KLF15: variants seen among roughly 807,000 people sequenced by gnomAD.
KLF15 encodes the protein KLF transcription factor 15.
Under a neutral mutation model 24.6 loss-of-function variants are expected in KLF15, and 4 were observed. The ratio of observed to expected loss-of-function variants is 0.16; its 90% CI spans 0.08 to 0.37. The LOEUF (loss-of-function observed/expected upper bound fraction) is 0.37, where lower values mean the gene tolerates loss of function less well. Among genes scored for constraint, KLF15 ranks in the 10% least tolerant of loss-of-function variants. The probability of loss-of-function intolerance (pLI) is 1.00; values close to 1 mark genes in which losing one functional copy is unlikely to be tolerated. For synonymous variants in KLF15, 246 were observed against 236.3 expected (o/e 1.04, Z -0.37); for missense variants, 496 against 560.6 (o/e 0.88, Z 1.16).
the KLF15 span, among the ~76,000 whole-genome samples, chr3:126,295,475 G>A: frequency 6.6e-6 from 1 of 152,146 alleles, no homozygotes; most frequent in African/African-American, 2.4e-5. Context: ...TTGGTCAAAA[G>A]GCCCAAACCA....
Position 126,343,859 on chromosome 3 carries a change from G to T in KLF15, c.1119C>A (p.Arg373=). 6.2e-7 allele frequency: 1 copy of T among 1,603,712 alleles called. No individual in the cohort carries two copies. Among genetic ancestry groups the T allele is most frequent in the Non-Finnish European group, 8.5e-7 (1 of 1,176,592 alleles). Residue 373 remains arginine, a synonymous_variant, in exon 3 of 3, where the codon CGC becomes CGA. Transcript: ENST00000296233. The part of the protein sequence containing the change: ...SRSDELSRHR[R]SHSGVKPYQC... The stretch of plus-strand genomic sequence containing the variant: ...GGTACGGCTTCACACCTGAGTGCGA[G>T]CGCCTGTGCCGCGACAGCTCGTCAG...
chr3:126,307,469 G>A, the KLF15 span, among the ~76,000 whole-genome samples: 4 of 152,188 alleles, frequency 2.6e-5, no homozygotes, highest in Admixed American at 6.5e-5. Flanking sequence ...AGAAATGAGC[G>A]GGATGGTGGC....
At chr3:126,305,846 GGAA>G in the KLF15 span, among the ~76,000 whole-genome samples, 1 of 152,252 alleles carries the variant, frequency 6.6e-6, no homozygotes, top group Admixed American at 6.5e-5. Context: ...GAAAGAAGAA[GGAA>G]GAAGAGAGAA....
chr3:126,321,726 G>A, the KLF15 span, among the ~76,000 whole-genome samples: 4 of 152,088 alleles, frequency 2.6e-5, no homozygotes, highest in Admixed American at 1.3e-4. Flanking sequence ...TCTTTGACTC[G>A]ACATCCTATT....
chr3:126,334,298 T>G, the KLF15 span, among the ~76,000 whole-genome samples: 1 of 148,656 alleles, frequency 6.7e-6, no homozygotes, highest in Non-Finnish European at 1.5e-5. Flanking sequence ...ACATGGAAAC[T>G]GAACAACCTG....
At chr3:126,336,511 A>G in the KLF15 span, among the ~76,000 whole-genome samples, 102 of 62,996 alleles carry the variant, frequency 1.6e-3, no homozygotes, top group African/African-American at 2.9e-3. Flanking sequence ...GAACATAGGC[A>G]TGGGCAAGGA....
chr3:126,353,466 T>C (rs925952210), intron 1 of KLF15, among the ~76,000 whole-genome samples: 1 of 152,162 alleles, frequency 6.6e-6, no homozygotes, highest in Non-Finnish European at 1.5e-5. Context: ...ATTACGCAAA[T>C]AAAAATACAA....
the KLF15 span, among the ~76,000 whole-genome samples, chr3:126,306,699 C>T: frequency 1.3e-5 from 2 of 152,246 alleles, no homozygotes; most frequent in Admixed American, 1.3e-4. Context: ...TCATATGAAG[C>T]CCTGTGTGCT....
chr3:126,332,064 C>T, the KLF15 span, among the ~76,000 whole-genome samples: 1 of 152,184 alleles, frequency 6.6e-6, no homozygotes, highest in African/African-American at 2.4e-5. Flanking sequence ...TGGGTGGAGC[C>T]CACCACAGCT....
the KLF15 span, among the ~76,000 whole-genome samples, chr3:126,317,347 T>C: frequency 6.6e-6 from 1 of 152,140 alleles, no homozygotes; most frequent in Non-Finnish European, 1.5e-5. Flanking sequence ...TGTTACACTG[T>C]CTTTCCAAAA....
the KLF15 span, among the ~76,000 whole-genome samples, chr3:126,302,522 T>C: frequency 2.6e-5 from 4 of 152,190 alleles, no homozygotes; most frequent in Non-Finnish European, 5.9e-5. Context: ...TATCTATTTG[T>C]CCTTGAAGTT....
At chr3:126,288,683 C>T in the KLF15 span, among the ~76,000 whole-genome samples, 1 of 152,236 alleles carries the variant, frequency 6.6e-6, no homozygotes, top group East Asian at 1.9e-4. Flanking sequence ...CCGCTCACTT[C>T]GGGGCTCATT....
chr3:126,321,785 G>T, the KLF15 span, among the ~76,000 whole-genome samples: 1 of 152,210 alleles, frequency 6.6e-6, no homozygotes, highest in Non-Finnish European at 1.5e-5. Flanking sequence ...GGCAATTGTG[G>T]GTCGCTGGGC....
chr3:126,335,615 G>A, the KLF15 span, among the ~76,000 whole-genome samples: 1 of 145,704 alleles, frequency 6.9e-6, no homozygotes, highest in Non-Finnish European at 1.5e-5. Context: ...ATTCAATTAG[G>A]AAAAGAGGAA....
At position 126,343,896 on chromosome 3, in the gene KLF15, C is replaced by CT. The variant is rs2082507222; in HGVS notation, c.1083-2dup. Reference sequence around the variant, plus strand: ...CGACAGCTCGTCAGAGCGCGAGAACCTGCGGGACATGGCGCGGTCAGCGAG... The same window carrying CT: ...CGACAGCTCGTCAGAGCGCGAGAACCTTGCGGGACATGGCGCGGTCAGCGAG... On this transcript the variant is annotated splice_acceptor_variant, in intron 2 of 2. Coordinates refer to ENST00000296233, the MANE Select transcript of KLF15 (RefSeq NM_014079.4). LOFTEE classifies it high-confidence loss of function. The CT allele has an allele frequency of 6.3e-7, 1 of 1,582,532 alleles. No individual in the cohort carries two copies. The highest frequency in any genetic ancestry group is 8.6e-7 in the Non-Finnish European group (1 of 1,165,370).
At chr3:126,292,761 G>A in the KLF15 span, among the ~76,000 whole-genome samples, 2 of 152,126 alleles carry the variant, frequency 1.3e-5, no homozygotes, top group East Asian at 1.9e-4. Flanking sequence ...GGGCAGGGGT[G>A]CAGCTCCCAG....
chr3:126,290,566 C>T, the KLF15 span: 5 of 151,354 alleles, frequency 3.3e-5, no homozygotes, highest in African/African-American at 1.2e-4. Context: ...CACAAGAATT[C>T]CTTTTACAGT....
downstream of KLF15, among the ~76,000 whole-genome samples, chr3:126,342,049 C>T (rs1027869960): frequency 3.3e-5 from 5 of 152,282 alleles, no homozygotes; most frequent in East Asian, 3.9e-4. Context: ...CTCAACTGTG[C>T]AACCACACAG....
the KLF15 span, among the ~76,000 whole-genome samples, chr3:126,311,222 A>G: frequency 6.6e-6 from 1 of 152,234 alleles, no homozygotes. Context: ...AGAGACAGGC[A>G]AAAAGAAACT....
Sources: gnomAD v4.1 joint callset for allele counts (sites outside exome capture counted in the v4.1 genomes callset) on GRCh38, gnomAD v4.1.1 for gene constraint, MANE v1.5 for transcripts, NCBI Gene and HGNC (gene_info 2026-07-23, HGNC 2026-07-21) for gene names.